Variants in SYTL3 observed in about 807,000 individuals in gnomAD.
SYTL3 encodes synaptotagmin like 3.
A neutral mutation model predicts 82.1 loss-of-function variants in SYTL3; 88 were observed. The ratio of observed to expected loss-of-function variants is 1.07; its 90% CI spans 0.90 to 1.28. The LOEUF (loss-of-function observed/expected upper bound fraction) is 1.28, where lower values mean the gene tolerates loss of function less well. Ranked by LOEUF, SYTL3 falls within the 50% of genes most tolerant of loss-of-function variation. The probability of loss-of-function intolerance (pLI) is 0.00; values close to 1 mark genes in which losing one functional copy is unlikely to be tolerated. For synonymous variants in SYTL3, 311 were observed against 289.4 expected, an observed-to-expected ratio of 1.07 and a Z score of -0.76; for missense variants, 831 against 757.6, an observed-to-expected ratio of 1.10 and a Z score of -1.14.
chr6:158,764,514 C>A lies in SYTL3; in HGVS notation c.1743C>A (p.Gly581=). The A allele has an allele frequency of 6.2e-7, 1 of 1,613,698 alleles. No homozygotes were observed. The highest frequency in any genetic ancestry group is 8.5e-7 in the Non-Finnish European group (1 of 1,179,776). The change falls in exon 18 of 18, where the codon GGC becomes GGA. Residue 581 remains glycine (G), a synonymous_variant. Coordinates refer to ENST00000611299, the MANE Select transcript of SYTL3 (RefSeq NM_001242394.2). The part of the protein sequence containing the change: ...RLGSKGDTAV[G]GDACSLSKLQ... ...TTACAGAGGGAGACACAGCTGTTGG[C>A]GGGGATGCATGCTCACTATCGAAGC...
chr6:158,755,360 C>A (rs79967295), intron 13 of SYTL3, among the ~76,000 whole-genome samples: 4,359 of 152,126 alleles, frequency 0.029, 176 homozygotes, highest in African/African-American at 0.087. Context: ...AAGATATGGA[C>A]CCATAGACTT....
chr6:158,725,608 A>G lies in SYTL3; in HGVS notation c.826A>G (p.Ser276Gly). Residue 276 changes from serine to glycine, a missense_variant, in exon 11 of 18, where the codon AGT becomes GGT. Physicochemically the swap from Ser to Gly is moderately conservative, Grantham distance 56. Transcript: ENST00000611299. ...GAATCTCCCATCCAGTCCGGCACCC[A>G]GTACCATATTCTCTGGAGGTTTTAG... Reference protein sequence around the residue: ...QQNLPSSPAPSTIFSGGFRHG... With the variant: ...QQNLPSSPAPGTIFSGGFRHG... 1 of 1,614,214 alleles carries G rather than the reference A, an allele frequency of 6.2e-7. No individual in the cohort carries two copies. The highest frequency in any genetic ancestry group is 8.5e-7 in the Non-Finnish European group (1 of 1,180,038).
At chr6:158,721,193 T>C (rs530093318) in intron 10 of SYTL3, among the ~76,000 whole-genome samples, 1 of 152,222 alleles carries the variant, frequency 6.6e-6, no homozygotes, top group African/African-American at 2.4e-5. Flanking sequence ...CTCCCCACCT[T>C]AATTGAGGTT....
chr6:158,745,578 C>T lies in SYTL3; in HGVS notation c.954C>T (p.Phe318=), dbSNP rs1787520205. ...TAGAATTTGCCATTCATTATTGCTT[C>T]AAAACCCATTCTTTAGAAATATGCA... ...GEIEFAIHYC[F]KTHSLEICIK... The change falls in exon 12 of 18, where the codon TTC becomes TTT. Residue 318 remains phenylalanine (F), a synonymous_variant. Coordinates refer to ENST00000611299, the MANE Select transcript of SYTL3 (RefSeq NM_001242394.2). 8 of 1,613,712 alleles carry T rather than the reference C, an allele frequency of 5.0e-6. No individual in the cohort carries two copies. The highest frequency in any genetic ancestry group is 6.8e-6 in the Non-Finnish European group (8 of 1,179,930).
In SYTL3 at chr6:158,707,158, A is replaced by C; in HGVS notation, c.395-72A>C. ...ATACTAGAGAAAATAATTTTAATCT[A>C]CTATTTCCTGTATTTACATTAGCTA... On this transcript the variant is annotated intron_variant, in intron 6 of 17. Coordinates refer to ENST00000611299, the MANE Select transcript of SYTL3 (RefSeq NM_001242394.2). The C allele has an allele frequency of 6.3e-6, 9 of 1,425,120 alleles. No individual in the cohort carries two copies. In the South Asian group the frequency reaches 9.3e-5, roughly 15 times the overall value. 88.3% of individuals were successfully genotyped at this position (1,425,120 alleles called of 1,614,324 possible).
intron 4 of SYTL3, chr6:158,663,745 T>C: frequency 2.8e-6 from 1 of 354,508 alleles, no homozygotes; most frequent in Non-Finnish European, 3.9e-6. Flanking sequence ...TTAAGGGTTT[T>C]CCTACCTCAT....
intron 2 of SYTL3, among the ~76,000 whole-genome samples, chr6:158,657,338 A>G (rs1788794746): frequency 6.7e-6 from 1 of 149,686 alleles, no homozygotes; most frequent in South Asian, 2.1e-4. Flanking sequence ...AGTCAAGAGA[A>G]TCGCTGGAAC....
intron 6 of SYTL3, among the ~76,000 whole-genome samples, chr6:158,698,654 G>A (rs1217080797): frequency 6.6e-6 from 1 of 151,522 alleles, no homozygotes; most frequent in Non-Finnish European, 1.5e-5. Flanking sequence ...GTGACTTACA[G>A]TGGCACAGGT....
rs1405683042 is a variant in SYTL3, at chr6:158,758,449, AAAAC to A, written c.1308+1069_1308+1072del. On this transcript the variant is annotated intron_variant, in intron 14 of 17. Coordinates refer to ENST00000611299, the MANE Select transcript of SYTL3 (RefSeq NM_001242394.2). ...GAGACTCTGTCTCAAAAAAAAAAAA[AAAAC>A]CCAGCGGGATGGACTACTCCCCTCA... 6.4e-4 allele frequency among the ~76,000 whole-genome samples: 98 copies of A among 152,016 alleles called. 1 individual carries two copies. Among genetic ancestry groups the A allele is most frequent in the African/African-American group, 2.3e-3 (96 of 41,486 alleles).
intron 5 of SYTL3, among the ~76,000 whole-genome samples, chr6:158,671,855 T>G (rs954960398): frequency 1.3e-5 from 2 of 152,218 alleles, no homozygotes; most frequent in Non-Finnish European, 2.9e-5. Context: ...TTTTGTTACC[T>G]TCAGTGTTTT....
chr6:158,684,641 G>T (rs913455369), intron 6 of SYTL3, among the ~76,000 whole-genome samples: 7 of 152,134 alleles, frequency 4.6e-5, no homozygotes, highest in African/African-American at 1.7e-4. Flanking sequence ...AGAAAAAGTG[G>T]CAATTTGCAG....
chr6:158,725,037 A>G (rs191021431), intron 10 of SYTL3, among the ~76,000 whole-genome samples: 28 of 152,278 alleles, frequency 1.8e-4, no homozygotes, highest in African/African-American at 6.5e-4. Flanking sequence ...AAGAAAGAAA[A>G]AATAAAAAAA....
At chr6:158,711,445 C>G (rs140833326) in intron 8 of SYTL3, among the ~76,000 whole-genome samples, 13 of 152,294 alleles carry the variant, frequency 8.5e-5, no homozygotes, top group African/African-American at 2.9e-4. Flanking sequence ...AGAAGTCTCT[C>G]CACAAGCCAT....
At chr6:158,738,605 AC>A (rs1786509079) in intron 11 of SYTL3, among the ~76,000 whole-genome samples, 1 of 151,828 alleles carries the variant, frequency 6.6e-6, no homozygotes, top group African/African-American at 2.4e-5. Context: ...CCTTCACTAA[AC>A]CTTCCATTCC....
chr6:158,720,406 CAAAAA>C (rs10640552), intron 10 of SYTL3, among the ~76,000 whole-genome samples: 18 of 88,188 alleles, frequency 2.0e-4, no homozygotes, highest in Middle Eastern at 6.2e-3. Flanking sequence ...AACTTTGTCT[CAAAAA>C]AAAAAAAAAA....
chr6:158,759,676 C>T lies in SYTL3; in HGVS notation c.1309-964C>T, dbSNP rs149780518. 3.6e-4 allele frequency among the ~76,000 whole-genome samples: 55 copies of T among 152,188 alleles called. 2 individuals carry two copies. In the East Asian group the frequency reaches 7.5e-3, roughly 21 times the overall value. On this transcript the variant is annotated intron_variant, in intron 14 of 17. Coordinates refer to ENST00000611299, the MANE Select transcript of SYTL3 (RefSeq NM_001242394.2). ...CCTCCCTAGTAGCTGGGATTATAGGCGCCCGTCACCACACCTGGCTAATTT... is the reference window on the plus strand; with the variant it reads ...CCTCCCTAGTAGCTGGGATTATAGGTGCCCGTCACCACACCTGGCTAATTT...
intron 11 of SYTL3, among the ~76,000 whole-genome samples, chr6:158,735,367 G>A (rs1786012326): frequency 1.3e-5 from 2 of 151,964 alleles, no homozygotes; most frequent in South Asian, 2.1e-4. Context: ...TATTAACTAT[G>A]CCTAACTAAA....
upstream of SYTL3, chr6:158,650,020 A>G (rs1388899638): frequency 6.6e-6 from 1 of 151,936 alleles, no homozygotes; most frequent in Non-Finnish European, 1.5e-5. Context: ...TAACAAGAAG[A>G]ATTGACTTCC....
At chr6:158,689,510 T>C (rs979479056) in intron 6 of SYTL3, among the ~76,000 whole-genome samples, 1 of 152,250 alleles carries the variant, frequency 6.6e-6, no homozygotes, top group African/African-American at 2.4e-5. Context: ...ATTTTGTTTT[T>C]AACACAAAGA....
Sources: allele counts gnomAD v4.1 joint callset (sites outside exome capture counted in the v4.1 genomes callset), GRCh38; gene constraint gnomAD v4.1.1; transcripts MANE v1.5; gene names NCBI Gene and HGNC (gene_info 2026-07-23, HGNC 2026-07-21).